KCNJ16: variants seen among roughly 807,000 people sequenced by gnomAD.
KCNJ16 encodes the protein potassium inwardly rectifying channel subfamily J member 16.
KCNJ16 carries 15 observed loss-of-function variants against 18.5 expected under a neutral mutation model. That is an observed-to-expected ratio of 0.81 (90% CI 0.54 to 1.25). The LOEUF (loss-of-function observed/expected upper bound fraction) is 1.25, where lower values mean the gene tolerates loss of function less well. KCNJ16 is among the 50% of genes most tolerant of loss of function. KCNJ16 has a pLI of 0.00. For synonymous variants in KCNJ16, 174 were observed against 186.5 expected (o/e 0.93, Z 0.55); for missense variants, 523 against 525.7 (o/e 0.99, Z 0.05).
chr17:70,112,688 T>C (rs991540965), intron 2 of KCNJ16, among the ~76,000 whole-genome samples: 2 of 152,160 alleles, frequency 1.3e-5, no homozygotes, highest in African/African-American at 4.8e-5. Flanking sequence ...AAAATATTCA[T>C]CTCATCCCTG....
At chr17:70,119,612 G>A (rs1341859046) in intron 2 of KCNJ16, among the ~76,000 whole-genome samples, 2 of 152,222 alleles carry the variant, frequency 1.3e-5, no homozygotes, top group African/African-American at 4.8e-5. Flanking sequence ...AGCAACTCAA[G>A]CAAGCTGTGT....
At chr17:70,103,120 T>A (rs962916582) in intron 2 of KCNJ16, among the ~76,000 whole-genome samples, 2 of 143,914 alleles carry the variant, frequency 1.4e-5, no homozygotes, top group African/African-American at 2.6e-5. Context: ...ATATATATAT[T>A]TAATATATAT....
rs2074181358 is a variant in KCNJ16, at chr17:70,135,059, G to A, written c.*1715G>A. Reference sequence around the variant, plus strand: ...TAATAAAGTTACTTTTTAAATGCACGTATGCAATCTTTTATTCCTCTTGTT... The same window carrying A: ...TAATAAAGTTACTTTTTAAATGCACATATGCAATCTTTTATTCCTCTTGTT... On this transcript the variant is annotated 3_prime_UTR_variant, in exon 4 of 4. Coordinates refer to ENST00000392671, the MANE Select transcript of KCNJ16 (RefSeq NM_170741.4). 2 of 135,334 alleles carry A rather than the reference G, an allele frequency of 1.5e-5. No individual in the cohort carries two copies. Among genetic ancestry groups the A allele is most frequent in the Non-Finnish European group, 3.2e-5 (2 of 61,994 alleles). The allele number at this position is 135,334 out of a possible 1,614,324, so 8.4% of individuals were successfully genotyped here.
chr17:70,134,498 A>C lies in KCNJ16; in HGVS notation c.*1154A>C, dbSNP rs1193859775. ...ATTAAAGCGATTTGAATGCACAGTAAGTGGATAATCTGAGTACAATGAAAT... is the reference window on the plus strand; with the variant it reads ...ATTAAAGCGATTTGAATGCACAGTACGTGGATAATCTGAGTACAATGAAAT... On this transcript the variant is annotated 3_prime_UTR_variant, in exon 4 of 4. Transcript: ENST00000392671. The C allele has an allele frequency of 6.0e-6, 1 of 167,036 alleles. No homozygotes were observed. Among genetic ancestry groups the C allele is most frequent in the African/African-American group, 2.4e-5 (1 of 41,472 alleles). 10.3% of individuals were successfully genotyped at this position (167,036 alleles called of 1,614,324 possible).
intron 2 of KCNJ16, among the ~76,000 whole-genome samples, chr17:70,112,171 G>A (rs569404208): frequency 1.3e-5 from 2 of 152,158 alleles, no homozygotes; most frequent in Non-Finnish European, 2.9e-5. Flanking sequence ...GAGGGCTAGG[G>A]GTTGATGGGC....
intron 1 of KCNJ16, among the ~76,000 whole-genome samples, chr17:70,097,887 C>T (rs912278254): frequency 2.0e-5 from 3 of 152,094 alleles, no homozygotes; most frequent in Non-Finnish European, 4.4e-5. Context: ...AATCTGTTTC[C>T]TAGGTTATGA....
intron 1 of KCNJ16, among the ~76,000 whole-genome samples, chr17:70,099,871 C>A (rs570440499): frequency 6.6e-6 from 1 of 152,144 alleles, no homozygotes; most frequent in South Asian, 2.1e-4. Flanking sequence ...TGTTAGCCAA[C>A]CCATCACTGA....
At chr17:70,088,932 C>T (rs2071961162) in intron 1 of KCNJ16, among the ~76,000 whole-genome samples, 1 of 152,038 alleles carries the variant, frequency 6.6e-6, no homozygotes, top group African/African-American at 2.4e-5. Flanking sequence ...AAAGTCAATT[C>T]AATTTAAAAT....
intron 3 of KCNJ16, 85 bp downstream of exon 3, chr17:70,131,060 G>C (rs1280665934): frequency 2.3e-6 from 3 of 1,301,076 alleles, no homozygotes; most frequent in Non-Finnish European, 3.2e-6. Context: ...GTCCGTGAAA[G>C]TATCAGGAAA....
chr17:70,113,066 G>A (rs1327157152), intron 2 of KCNJ16, among the ~76,000 whole-genome samples: 2 of 152,172 alleles, frequency 1.3e-5, no homozygotes, highest in East Asian at 3.8e-4. Context: ...CAAAAAATCA[G>A]TTTTAATGGG....
chr17:70,091,642 T>C (rs2072096419), intron 1 of KCNJ16, among the ~76,000 whole-genome samples: 1 of 152,136 alleles, frequency 6.6e-6, no homozygotes, highest in Non-Finnish European at 1.5e-5. Flanking sequence ...GATGTTTCCA[T>C]GGCATCTATT....
intron 1 of KCNJ16, among the ~76,000 whole-genome samples, chr17:70,080,469 A>G (rs1177528083): frequency 6.6e-6 from 1 of 152,190 alleles, no homozygotes; most frequent in African/African-American, 2.4e-5. Context: ...AACTATCATA[A>G]GACCGTGGAA....
At chr17:70,087,829 A>G (rs994960906) in intron 1 of KCNJ16, among the ~76,000 whole-genome samples, 6 of 152,150 alleles carry the variant, frequency 3.9e-5, no homozygotes, top group Non-Finnish European at 7.4e-5. Context: ...CCAACAATGA[A>G]TAAAACAAGA....
chr17:70,103,094 A>C (rs1345219158), intron 2 of KCNJ16, among the ~76,000 whole-genome samples: 3 of 146,320 alleles, frequency 2.1e-5, no homozygotes, highest in African/African-American at 7.5e-5. Context: ...ACCATCATCC[A>C]GCTTATGTAT....
At chr17:70,083,997 C>T (rs756609849) in intron 1 of KCNJ16, among the ~76,000 whole-genome samples, 2 of 152,110 alleles carry the variant, frequency 1.3e-5, no homozygotes, top group Non-Finnish European at 2.9e-5. Context: ...CAGTACCCTC[C>T]CTCTGTAACA....
chr17:70,106,365 T>C (rs187772090), intron 2 of KCNJ16, among the ~76,000 whole-genome samples: 1 of 152,330 alleles, frequency 6.6e-6, no homozygotes, highest in East Asian at 1.9e-4. Context: ...AGTATCTATA[T>C]CTTAGATATT....
chr17:70,127,950 CAT>C (rs1459869072), intron 2 of KCNJ16: 1 of 152,166 alleles, frequency 6.6e-6, no homozygotes, highest in Non-Finnish European at 1.5e-5. Flanking sequence ...TTCATATTAA[CAT>C]ATCATGTTAA....
chr17:70,097,079 C>G (rs1215803606), intron 1 of KCNJ16, among the ~76,000 whole-genome samples: 2 of 152,138 alleles, frequency 1.3e-5, no homozygotes, highest in East Asian at 3.8e-4. Flanking sequence ...CATAATCACA[C>G]AAAGGAAAAA....
intron 2 of KCNJ16, among the ~76,000 whole-genome samples, chr17:70,103,296 G>GTGTGTGTGTGTATATATATATATA (rs1408960241): frequency 2.1e-4 from 15 of 72,050 alleles, no homozygotes; most frequent in African/African-American, 6.7e-4. Flanking sequence ...ATGTGTGTGT[G>GTGTGTGTGTGTATATATATATATA]TATATATATA....
Sources: gnomAD v4.1 joint callset for allele counts (sites outside exome capture counted in the v4.1 genomes callset) on GRCh38, gnomAD v4.1.1 for gene constraint, MANE v1.5 for transcripts, NCBI Gene and HGNC (gene_info 2026-07-23, HGNC 2026-07-21) for gene names.